Variants in RAPGEF1 observed in about 807,000 individuals in gnomAD.
The protein encoded by RAPGEF1 is Rap guanine nucleotide exchange factor 1.
In RAPGEF1, 33 loss-of-function variants were observed where a neutral mutation model predicts 143.3. That is an observed-to-expected ratio of 0.23 (90% confidence interval 0.17 to 0.31). The LOEUF is 0.31. RAPGEF1 is among the 10% of genes least tolerant of loss of function. The pLI, the probability that RAPGEF1 is intolerant of heterozygous loss-of-function variation, is 1.00. For synonymous variants in RAPGEF1, 629 were observed against 676.5 expected, an observed-to-expected ratio of 0.93 and a Z score of 1.09; for missense variants, 1,199 against 1,645.4, an observed-to-expected ratio of 0.73 and a Z score of 4.69.
At chr9:131,738,383 G>A (rs540712582) in intron 1 of RAPGEF1, among the ~76,000 whole-genome samples, 25 of 152,240 alleles carry the variant, frequency 1.6e-4, no homozygotes, top group African/African-American at 5.8e-4. Flanking sequence ...CTGCACAGAT[G>A]AACCCAAGTT....
At chr9:131,726,936 C>T (rs1030323691) in intron 1 of RAPGEF1, among the ~76,000 whole-genome samples, 6 of 151,950 alleles carry the variant, frequency 3.9e-5, no homozygotes, top group East Asian at 1.9e-4. Flanking sequence ...CTCAGGAGGT[C>T]GAGGCTGCTG....
In RAPGEF1 at chr9:131,583,319, G is replaced by A. The variant is rs563654215; in HGVS notation, c.3415-617C>T. On this transcript the variant is annotated intron_variant, in intron 24 of 26. Transcript: ENST00000683357. This position sits in a 1 kb window ranked among gnomAD's most constrained non-coding sequence, Gnocchi z 4.7. Reference sequence around the variant, plus strand: ...CCTGAGGACCCCCCATGCAGAGGCCGTGTGAATTTCCCACCTCTCCCCATA... The same window carrying A: ...CCTGAGGACCCCCCATGCAGAGGCCATGTGAATTTCCCACCTCTCCCCATA... 3.9e-5 allele frequency among the ~76,000 whole-genome samples: 6 copies of A among 152,262 alleles called. No homozygotes were observed. Among genetic ancestry groups the A allele is most frequent in the Admixed American group, 6.5e-5 (1 of 15,300 alleles).
In RAPGEF1 at chr9:131,661,244, G is replaced by A. The variant is rs144708731; in HGVS notation, c.62-10295C>T. Among the ~76,000 whole-genome samples the A allele has an allele frequency of 9.2e-5, 14 of 152,352 alleles. 1 individual carries two copies. In the South Asian group the frequency reaches 2.7e-3, roughly 29 times the overall value. ...CTGTCGACAGCAGGACGGGTGAACC[G>A]TGGCACCGTCGCACAGTGGAATATC... On this transcript the variant is annotated intron_variant, in intron 1 of 26. Transcript: ENST00000683357.
At position 131,629,117 on chromosome 9, in the gene RAPGEF1, C is replaced by T. The variant is rs1266287430; in HGVS notation, c.878G>A (p.Arg293Gln). The T allele has an allele frequency of 3.7e-6, 6 of 1,613,526 alleles. No individual in the cohort carries two copies. The highest frequency in any genetic ancestry group is 2.2e-5 in the East Asian group (1 of 44,880). Residue 293 changes from arginine (R) to glutamine (Q), a missense_variant, in exon 7 of 27, where the codon CGG (arginine) becomes CAG (glutamine). By Grantham distance (43) the Arg-to-Gln change is conservative (BLOSUM62 1). Transcript: ENST00000683357. ...AGGTAATTACCTATTATCAACCACC[C>T]GAATGCCAGGCAGAGGAGGCTTGGG... is the stretch of plus-strand genomic sequence containing the variant. ...APPKPPLPGI[R>Q]VVDNSPPPAL...
chr9:131,615,997 T>G (rs190847453), intron 12 of RAPGEF1, among the ~76,000 whole-genome samples: 1 of 152,324 alleles, frequency 6.6e-6, no homozygotes, highest in Non-Finnish European at 1.5e-5. Context: ...CCAGGCGCAG[T>G]GGCTCACGCC....
At position 131,739,845 on chromosome 9, in the gene RAPGEF1, G is replaced by A. The variant is rs1270487628; in HGVS notation, c.-15C>T. ...CCGCCGCTCATCGGGCCCGGGCCGG[G>A]CCGCCGCGGGGCGACAGGGGCGGCG... On this transcript the variant is annotated 5_prime_UTR_variant, in exon 1 of 27. Transcript: ENST00000683357. 1 of 1,021,652 alleles carries A rather than the reference G, an allele frequency of 9.8e-7. No homozygotes were observed. Among genetic ancestry groups the A allele is most frequent in the Non-Finnish European group, 1.2e-6 (1 of 858,590 alleles). 63.3% of individuals were successfully genotyped at this position (1,021,652 alleles called of 1,614,324 possible).
intron 1 of RAPGEF1, among the ~76,000 whole-genome samples, chr9:131,699,164 G>A (rs1038152117): frequency 1.3e-5 from 2 of 151,164 alleles, no homozygotes; most frequent in Admixed American, 1.3e-4. Flanking sequence ...AAAACTCCAA[G>A]AACGCCCATG....
intron 18 of RAPGEF1, among the ~76,000 whole-genome samples, chr9:131,590,803 A>G (rs1448251633): frequency 6.6e-6 from 1 of 152,220 alleles, no homozygotes; most frequent in Non-Finnish European, 1.5e-5. Flanking sequence ...ATGATGGCTG[A>G]GCCAGGCAGA....
At chr9:131,607,729 C>T (rs1421161171) in intron 12 of RAPGEF1, among the ~76,000 whole-genome samples, 1 of 152,186 alleles carries the variant, frequency 6.6e-6, no homozygotes, top group African/African-American at 2.4e-5. Context: ...CCTCACCTTG[C>T]CTTGCTGCTG....
At chr9:131,633,958 C>T (rs561281168) in intron 5 of RAPGEF1, among the ~76,000 whole-genome samples, 13 of 152,282 alleles carry the variant, frequency 8.5e-5, no homozygotes, top group African/African-American at 1.2e-4. Flanking sequence ...TCCTGAGGCA[C>T]GAGTTAGAAA....
intron 3 of RAPGEF1, among the ~76,000 whole-genome samples, chr9:131,645,620 G>A (rs1588716611): frequency 6.6e-6 from 1 of 152,228 alleles, no homozygotes; most frequent in African/African-American, 2.4e-5. Flanking sequence ...TGTCAAGCTG[G>A]GGATCCTTGT....
At chr9:131,623,453 C>A (rs7856123) in intron 10 of RAPGEF1, among the ~76,000 whole-genome samples, 2,878 of 152,272 alleles carry the variant, frequency 0.019, 97 homozygotes, top group African/African-American at 0.066. Context: ...ACCATCTCTG[C>A]CTGACTTTTC....
intron 22 of RAPGEF1, among the ~76,000 whole-genome samples, chr9:131,585,996 G>C (rs1390665252): frequency 1.3e-5 from 2 of 152,106 alleles, no homozygotes; most frequent in African/African-American, 4.8e-5. Context: ...TGGCTAACAC[G>C]GTGAAACCCT....
chr9:131,601,305 C>T (rs1956238672), intron 15 of RAPGEF1, among the ~76,000 whole-genome samples: 1 of 151,930 alleles, frequency 6.6e-6, no homozygotes, highest in Non-Finnish European at 1.5e-5. Context: ...ATCACATGCA[C>T]ACATATGTCT....
At chr9:131,632,355 C>T (rs1003738744) in intron 5 of RAPGEF1, among the ~76,000 whole-genome samples, 3 of 150,520 alleles carry the variant, frequency 2.0e-5, no homozygotes, top group Admixed American at 6.6e-5. Context: ...TCTCGATCTC[C>T]TGACCTCGTG....
In RAPGEF1 at chr9:131,661,209, C is replaced by T. The variant is rs184429722; in HGVS notation, c.62-10260G>A. Among the ~76,000 whole-genome samples the T allele has an allele frequency of 3.3e-5, 5 of 152,322 alleles. No individual in the cohort carries two copies. The East Asian group carries it at 5.8e-4, about 18-fold the overall frequency. On this transcript the variant is annotated intron_variant, in intron 1 of 26. Coordinates refer to ENST00000683357, the MANE Select transcript of RAPGEF1 (RefSeq NM_001377935.1). Reference sequence around the variant, plus strand: ...TGTACCAGAATATCACAGCAGTGCTCGGCGAATGCCTGTCGACAGCAGGAC... The same window carrying T: ...TGTACCAGAATATCACAGCAGTGCTTGGCGAATGCCTGTCGACAGCAGGAC...
intron 18 of RAPGEF1, among the ~76,000 whole-genome samples, chr9:131,591,337 G>C (rs1196356407): frequency 6.6e-6 from 1 of 152,232 alleles, no homozygotes; most frequent in African/African-American, 2.4e-5. Flanking sequence ...CCAGGTGGTG[G>C]TGGCTGCCCA....
intron 11 of RAPGEF1, among the ~76,000 whole-genome samples, chr9:131,620,239 C>T (rs73559666): frequency 0.018 from 2,765 of 151,116 alleles, 75 homozygotes; most frequent in African/African-American, 0.064. Context: ...GCAAATGGGC[C>T]GAAAATATTT....
chr9:131,587,077 C>T, intron 22 of RAPGEF1, among the ~76,000 whole-genome samples: 1 of 132,864 alleles, frequency 7.5e-6, no homozygotes, highest in Non-Finnish European at 1.6e-5. Context: ...CACACACACA[C>T]ACACACCTGC....
Sources: allele counts gnomAD v4.1 joint callset (sites outside exome capture counted in the v4.1 genomes callset), GRCh38; gene constraint gnomAD v4.1.1; non-coding constraint Gnocchi (gnomAD v3.1); transcripts MANE v1.5; gene names NCBI Gene and HGNC (gene_info 2026-07-23, HGNC 2026-07-21).